The following WWC2 variants were observed in gnomAD, a reference collection of about 807,000 sequenced individuals.
The protein encoded by WWC2 is protein WWC2.
In WWC2, 101 loss-of-function variants were observed where a neutral mutation model predicts 138.5. The ratio of observed to expected loss-of-function variants is 0.73; its 90% CI spans 0.62 to 0.86. WWC2 has a LOEUF of 0.86. Ranked by LOEUF, WWC2 falls within the 40% of genes least tolerant of loss-of-function variation. The pLI is 0.00. For missense variants in WWC2, 1,420 were observed against 1,419.4 expected, an observed-to-expected ratio of 1.00 and a Z score of -0.01; for synonymous variants, 558 against 538.4, an observed-to-expected ratio of 1.04 and a Z score of -0.50.
chr4:183,227,274 C>G (rs552878079), intron 4 of WWC2, among the ~76,000 whole-genome samples: 1 of 152,014 alleles, frequency 6.6e-6, no homozygotes, highest in African/African-American at 2.4e-5. Context: ...CTGAAAAAGC[C>G]CAAGCTAAAC....
At chr4:183,243,006 T>G (rs1736667526) in intron 5 of WWC2, among the ~76,000 whole-genome samples, 1 of 152,172 alleles carries the variant, frequency 6.6e-6, no homozygotes, top group South Asian at 2.1e-4. Context: ...AGCAGAAACG[T>G]TCCATGGTGA....
At chr4:183,248,019 TACTTTC>T (rs897159474) in intron 6 of WWC2, among the ~76,000 whole-genome samples, 43 of 152,040 alleles carry the variant, frequency 2.8e-4, no homozygotes, top group African/African-American at 1.0e-3. Flanking sequence ...TCCTTTTCAA[TACTTTC>T]ACTTGTTCAT....
At chr4:183,229,015 T>C (rs943929324) in intron 4 of WWC2, among the ~76,000 whole-genome samples, 2 of 152,148 alleles carry the variant, frequency 1.3e-5, no homozygotes, top group East Asian at 1.9e-4. Context: ...CAAAACTATT[T>C]ACAGGCCTAA....
At chr4:183,195,078 G>C (rs1478448959) in intron 2 of WWC2, among the ~76,000 whole-genome samples, 11 of 151,994 alleles carry the variant, frequency 7.2e-5, no homozygotes, top group Admixed American at 6.6e-4. Context: ...TATATACCAG[G>C]TTTTATTGTG....
At position 183,320,282 on chromosome 4, in the gene WWC2, T is replaced by A; in HGVS notation, c.*4553T>A. 7.1e-7 allele frequency: 1 copy of A among 1,404,386 alleles called. No individual in the cohort carries two copies. Among genetic ancestry groups the A allele is most frequent in the Non-Finnish European group, 9.8e-7 (1 of 1,019,606 alleles). The allele number at this position is 1,404,386 out of a possible 1,614,324, so 87.0% of individuals were successfully genotyped here. On this transcript the variant is annotated 3_prime_UTR_variant, in exon 23 of 23. Coordinates refer to ENST00000403733, the MANE Select transcript of WWC2 (RefSeq NM_024949.6). Reference sequence around the variant, plus strand: ...CCTTCGGTTGCTGTGAAAAGAAGTGTGACACTTGTGTTATAACTTATGAAA... The same window carrying A: ...CCTTCGGTTGCTGTGAAAAGAAGTGAGACACTTGTGTTATAACTTATGAAA...
intron 1 of WWC2, among the ~76,000 whole-genome samples, chr4:183,136,686 C>G (rs1414823678): frequency 6.6e-6 from 1 of 152,156 alleles, no homozygotes; most frequent in Non-Finnish European, 1.5e-5. Context: ...GAATGCAGCC[C>G]AACACAAATT....
chr4:183,144,008 A>C (rs1733378700), intron 1 of WWC2, among the ~76,000 whole-genome samples: 1 of 152,240 alleles, frequency 6.6e-6, no homozygotes, highest in Non-Finnish European at 1.5e-5. Flanking sequence ...ACTACTAGTG[A>C]ATATGAAATT....
At chr4:183,261,568 T>G (rs1737333034) in intron 11 of WWC2, 36 bp downstream of exon 11, 2 of 1,568,602 alleles carry the variant, frequency 1.3e-6, no homozygotes, top group South Asian at 1.2e-5. Flanking sequence ...TATTCCCTGT[T>G]AGTGATTTTA....
At chr4:183,277,114 A>G (rs71620982) in intron 16 of WWC2, among the ~76,000 whole-genome samples, 42,217 of 143,630 alleles carry the variant, frequency 0.29, 6,440 homozygotes, top group South Asian at 0.4. Context: ...ATATCTCCCA[A>G]TGCTATCCCT....
chr4:183,187,554 AAATAAT>A lies in WWC2; in HGVS notation c.132-6016_132-6011del, dbSNP rs371158154. On this transcript the variant is annotated intron_variant, in intron 1 of 22. Transcript: ENST00000403733. ...GGCGACAGAACGAGACTCCGTCTCAAAATAATAATAATAATAATAATAATAATAATA... is the reference window on the plus strand; with the variant it reads ...GGCGACAGAACGAGACTCCGTCTCAAAATAATAATAATAATAATAATAATA... Among the ~76,000 whole-genome samples the A allele has an allele frequency of 9.4e-3, 1,205 of 127,616 alleles. 25 individuals carry two copies. The highest frequency in any genetic ancestry group is 0.035 in the African/African-American group (1,143 of 33,066). 83.7% of individuals were successfully genotyped at this position (127,616 alleles called of 152,430 possible). A position where few individuals can be genotyped will look rare whatever the true frequency, so the allele number is the denominator to read the frequency against.
chr4:183,174,779 C>A (rs970084756), intron 1 of WWC2, among the ~76,000 whole-genome samples: 4 of 151,970 alleles, frequency 2.6e-5, no homozygotes, highest in Non-Finnish European at 5.9e-5. Flanking sequence ...TTCCTCCTCT[C>A]CTCCTTCTCC....
intron 1 of WWC2, among the ~76,000 whole-genome samples, chr4:183,113,017 A>G (rs1732286199): frequency 6.6e-6 from 1 of 152,150 alleles, no homozygotes; most frequent in Admixed American, 6.5e-5. Context: ...TCATGCGTGT[A>G]ATCCCAGCAC....
At chr4:183,228,733 C>T (rs1225603188) in intron 4 of WWC2, among the ~76,000 whole-genome samples, 1 of 150,674 alleles carries the variant, frequency 6.6e-6, no homozygotes, top group Non-Finnish European at 1.5e-5. Flanking sequence ...GGGAAACTGG[C>T]CTTTCCTAAT....
At chr4:183,224,355 G>A (rs1736010137) in intron 4 of WWC2, among the ~76,000 whole-genome samples, 1 of 152,064 alleles carries the variant, frequency 6.6e-6, no homozygotes, top group African/African-American at 2.4e-5. Flanking sequence ...TACAGTCTAA[G>A]TATACCATTC....
At chr4:183,223,096 T>G (rs1413213374) in intron 4 of WWC2, among the ~76,000 whole-genome samples, 1 of 152,254 alleles carries the variant, frequency 6.6e-6, no homozygotes, top group Admixed American at 6.5e-5. Context: ...TTTCTATCTT[T>G]TGATATGTTT....
chr4:183,267,315 A>C (rs1424343482), intron 14 of WWC2, among the ~76,000 whole-genome samples: 1 of 152,200 alleles, frequency 6.6e-6, no homozygotes, highest in Admixed American at 6.5e-5. Flanking sequence ...AGAAGTGCCT[A>C]GATCAACGCA....
chr4:183,148,112 T>G (rs1309217123), intron 1 of WWC2, among the ~76,000 whole-genome samples: 4 of 152,216 alleles, frequency 2.6e-5, no homozygotes, highest in African/African-American at 9.6e-5. Flanking sequence ...ACATGTAGCG[T>G]GTGAGGTTGT....
chr4:183,139,934 T>A (rs1191201245), intron 1 of WWC2, among the ~76,000 whole-genome samples: 1 of 152,194 alleles, frequency 6.6e-6, no homozygotes, highest in Non-Finnish European at 1.5e-5. Flanking sequence ...TGCTTCAGCC[T>A]CCCGAGTAGG....
At chr4:183,110,028 T>C (rs891277327) in intron 1 of WWC2, among the ~76,000 whole-genome samples, 2 of 152,224 alleles carry the variant, frequency 1.3e-5, no homozygotes, top group Non-Finnish European at 2.9e-5. Context: ...TACCTCATGA[T>C]TATTTTGATG....
Sources: gnomAD v4.1 joint callset for allele counts (sites outside exome capture counted in the v4.1 genomes callset) on GRCh38, gnomAD v4.1.1 for gene constraint, MANE v1.5 for transcripts, NCBI Gene and HGNC (gene_info 2026-07-23, HGNC 2026-07-21) for gene names.